Variants in SEMA3A observed in about 807,000 individuals in gnomAD.
SEMA3A encodes semaphorin-3A.
Under a neutral mutation model 97.9 loss-of-function variants are expected in SEMA3A, and 29 were observed. The observed-to-expected ratio is 0.30, with a 90% CI of 0.22 to 0.40. SEMA3A has a LOEUF of 0.40. Among genes scored for constraint, SEMA3A ranks in the 10% least tolerant of loss-of-function variants. SEMA3A has a pLI of 1.00. For synonymous variants in SEMA3A, 321 were observed against 323.7 expected (o/e 0.99, Z 0.09); for missense variants, 763 against 951.3 (o/e 0.80, Z 2.60).
At chr7:84,479,840 A>G (rs1215143902) in intron 1 of SEMA3A, among the ~76,000 whole-genome samples, 2 of 152,196 alleles carry the variant, frequency 1.3e-5, no homozygotes, top group Non-Finnish European at 2.9e-5. Flanking sequence ...AGGAATATGC[A>G]TATGTTCCTC....
chr7:84,189,941 T>A (rs1050383745), intron 1 of SEMA3A, among the ~76,000 whole-genome samples: 4 of 151,828 alleles, frequency 2.6e-5, no homozygotes, highest in Middle Eastern at 6.8e-3. Context: ...AAACTACGTA[T>A]TTCATGTCAC....
intron 4 of SEMA3A, among the ~76,000 whole-genome samples, chr7:84,091,309 G>GA (rs1794595639): frequency 7.1e-6 from 1 of 141,288 alleles, no homozygotes; most frequent in East Asian, 2.2e-4. Context: ...AAAAAGAAAG[G>GA]AAGGAAGGAA....
intron 4 of SEMA3A, among the ~76,000 whole-genome samples, chr7:84,106,908 A>G (rs1583976853): frequency 6.6e-6 from 1 of 152,178 alleles, no homozygotes; most frequent in South Asian, 2.1e-4. Flanking sequence ...CTTTTTTTCT[A>G]TGATAAAATT....
At chr7:83,969,362 A>G (rs1481736599) in intron 15 of SEMA3A, among the ~76,000 whole-genome samples, 6 of 151,994 alleles carry the variant, frequency 3.9e-5, no homozygotes, top group Non-Finnish European at 7.4e-5. Context: ...TTGCCAAAAA[A>G]AATCTCTTTT....
intron 6 of SEMA3A, among the ~76,000 whole-genome samples, chr7:84,045,319 T>A (rs919609942): frequency 2.6e-5 from 4 of 151,762 alleles, no homozygotes; most frequent in African/African-American, 9.7e-5. Context: ...CCAGGAAAAA[T>A]TTCATGCTTC....
At chr7:84,155,103 T>C (rs1796799966) in intron 1 of SEMA3A, among the ~76,000 whole-genome samples, 2 of 152,090 alleles carry the variant, frequency 1.3e-5, no homozygotes, top group Non-Finnish European at 2.9e-5. Context: ...CAAAAGCAGC[T>C]GTTTTTCATG....
intron 1 of SEMA3A, among the ~76,000 whole-genome samples, chr7:84,425,456 TATAA>T (rs952864818): frequency 1.7e-4 from 24 of 138,598 alleles, no homozygotes; most frequent in Middle Eastern, 4.5e-3. Context: ...TTTATATGCA[TATAA>T]ATATATACAT....
At chr7:84,455,651 G>A (rs557976085) in intron 1 of SEMA3A, among the ~76,000 whole-genome samples, 1 of 151,950 alleles carries the variant, frequency 6.6e-6, no homozygotes, top group East Asian at 1.9e-4. Flanking sequence ...AATTCTTATA[G>A]TTTGGTCTGA....
intron 1 of SEMA3A, among the ~76,000 whole-genome samples, chr7:84,190,704 T>TTA (rs951979101): frequency 4.6e-4 from 67 of 147,070 alleles, no homozygotes; most frequent in South Asian, 2.3e-3. Context: ...ACTCTATTAT[T>TTA]TATATATATA....
chr7:84,433,704 A>C (rs1261717693), intron 1 of SEMA3A, among the ~76,000 whole-genome samples: 3 of 152,120 alleles, frequency 2.0e-5, no homozygotes, highest in African/African-American at 7.2e-5. Flanking sequence ...ACAGTGTAAA[A>C]GTGTTCATAT....
intron 4 of SEMA3A, among the ~76,000 whole-genome samples, chr7:84,093,011 C>T (rs770465522): frequency 1.3e-5 from 2 of 151,964 alleles, no homozygotes; most frequent in South Asian, 4.2e-4. Flanking sequence ...ATAGATTATT[C>T]CTGACATATA....
intron 2 of SEMA3A, among the ~76,000 whole-genome samples, chr7:84,317,642 A>G (rs1476033973): frequency 6.6e-6 from 1 of 152,142 alleles, no homozygotes; most frequent in Non-Finnish European, 1.5e-5. Context: ...TTCTTATTCT[A>G]AAATTTGTGG....
Position 84,001,789 on chromosome 7 carries a change from A to C in SEMA3A, c.1452+166T>G, listed in dbSNP as rs925553821. 2.0e-4 allele frequency among the ~76,000 whole-genome samples: 30 copies of C among 152,100 alleles called. 1 individual carries two copies. Among genetic ancestry groups the C allele is most frequent in the Admixed American group, 1.8e-3 (27 of 15,270 alleles). ...ACATCTTTAGATTTAACTAGCATTGAAAGTTTCAAGGTTTATTTTGACTAG... is the reference window on the plus strand; with the variant it reads ...ACATCTTTAGATTTAACTAGCATTGCAAGTTTCAAGGTTTATTTTGACTAG... On this transcript the variant is annotated intron_variant, in intron 12 of 16. Transcript: ENST00000265362.
upstream of SEMA3A, among the ~76,000 whole-genome samples, chr7:84,197,825 G>C (rs1282778970): frequency 2.2e-5 from 3 of 138,846 alleles, no homozygotes; most frequent in East Asian, 4.7e-4. Flanking sequence ...CTGCAACCTC[G>C]GCCTCCCGGG....
intron 6 of SEMA3A, among the ~76,000 whole-genome samples, chr7:84,034,266 G>A (rs189960580): frequency 6.6e-6 from 1 of 152,302 alleles, no homozygotes; most frequent in African/African-American, 2.4e-5. Context: ...TTACAGGCAT[G>A]AGCCACTGCG....
chr7:84,135,928 A>G (rs1341890013), intron 1 of SEMA3A, among the ~76,000 whole-genome samples: 3 of 152,208 alleles, frequency 2.0e-5, no homozygotes, highest in East Asian at 3.8e-4. Context: ...CAAATACTAA[A>G]CAATATACCT....
At chr7:84,158,282 G>A (rs1796915247) in intron 1 of SEMA3A, among the ~76,000 whole-genome samples, 1 of 150,218 alleles carries the variant, frequency 6.7e-6, no homozygotes, top group African/African-American at 2.5e-5. Context: ...AGCCTCCTGA[G>A]TATCTGTGAC....
At chr7:84,461,917 C>G (rs1482683660) in intron 1 of SEMA3A, among the ~76,000 whole-genome samples, 1 of 152,006 alleles carries the variant, frequency 6.6e-6, no homozygotes, top group Non-Finnish European at 1.5e-5. Context: ...ACTAGTGTTT[C>G]AGTAGTAGGA....
In SEMA3A at chr7:84,048,940, T is replaced by G. The variant is rs1792475094; in HGVS notation, c.548-2497A>C. ...GATAGAAAAGGTGTTTGTCTCTCTC[T>G]TGCATTTGGTTGTTTTATAACATTT... On this transcript the variant is annotated intron_variant, in intron 5 of 16. Coordinates refer to ENST00000265362, the MANE Select transcript of SEMA3A (RefSeq NM_006080.3). Among the ~76,000 whole-genome samples, 3 of 152,106 alleles carry G rather than the reference T, an allele frequency of 2.0e-5. No homozygotes were observed. In the South Asian group the frequency reaches 6.2e-4, roughly 31 times the overall value.
Sources: allele counts gnomAD v4.1 joint callset (sites outside exome capture counted in the v4.1 genomes callset), GRCh38; gene constraint gnomAD v4.1.1; transcripts MANE v1.5; gene names NCBI Gene and HGNC (gene_info 2026-07-23, HGNC 2026-07-21).